The following TLE4 variants were observed in gnomAD, a reference collection of about 807,000 sequenced individuals.
The protein encoded by TLE4 is transducin-like enhancer protein 4.
TLE4 carries 8 observed loss-of-function variants against 92.8 expected under a neutral mutation model. The ratio of observed to expected loss-of-function variants is 0.09; its 90% CI spans 0.05 to 0.16. The LOEUF is 0.16. Ranked by LOEUF, TLE4 falls within the 10% of genes least tolerant of loss-of-function variation. The pLI, the probability that TLE4 is intolerant of heterozygous loss-of-function variation, is 1.00. For missense variants in TLE4, 675 were observed against 997.6 expected, an observed-to-expected ratio of 0.68 and a Z score of 4.36; for synonymous variants, 371 against 374.1, an observed-to-expected ratio of 0.99 and a Z score of 0.10.
chr9:79,722,993 T>C lies in TLE4; in HGVS notation c.2172T>C (p.Leu724=). 6.2e-7 allele frequency: 1 copy of C among 1,614,228 alleles called. No individual in the cohort carries two copies. Among genetic ancestry groups the C allele is most frequent in the Non-Finnish European group, 8.5e-7 (1 of 1,180,040 alleles). ...KWFVSTGKDN[L]LNAWRTPYGA... ...TTGTAAGCACTGGAAAGGACAACCTTCTGAATGCCTGGAGAACACCTTATG... is the reference window on the plus strand; with the variant it reads ...TTGTAAGCACTGGAAAGGACAACCTCCTGAATGCCTGGAGAACACCTTATG... Residue 724 remains leucine, a synonymous_variant, in exon 19 of 20, where the codon CTT becomes CTC. Transcript: ENST00000376552.
intron 8 of TLE4, among the ~76,000 whole-genome samples, chr9:79,694,824 C>T (rs747980733): frequency 1.3e-5 from 2 of 151,228 alleles, no homozygotes; most frequent in Non-Finnish European, 2.9e-5. Flanking sequence ...TTCCTTTTAC[C>T]ACATACCTCC....
intron 8 of TLE4, among the ~76,000 whole-genome samples, chr9:79,679,993 A>T (rs1304412893): frequency 6.6e-6 from 1 of 151,758 alleles, no homozygotes; most frequent in East Asian, 1.9e-4. Context: ...TTTTGGTACC[A>T]GTACCATGCT....
chr9:79,607,809 G>C (rs1433924516), intron 4 of TLE4, among the ~76,000 whole-genome samples: 7 of 152,028 alleles, frequency 4.6e-5, no homozygotes, highest in Admixed American at 4.6e-4. Context: ...TAGCCTTGTA[G>C]TATAGTTTGA....
chr9:79,676,976 A>G (rs1457057785), intron 8 of TLE4, among the ~76,000 whole-genome samples: 1 of 152,270 alleles, frequency 6.6e-6, no homozygotes, highest in South Asian at 2.1e-4. Flanking sequence ...CCATGCATCC[A>G]TGGTTTTAGC....
intron 6 of TLE4, among the ~76,000 whole-genome samples, chr9:79,637,295 A>G (rs1274602857): frequency 6.6e-6 from 1 of 152,200 alleles, no homozygotes; most frequent in African/African-American, 2.4e-5. Flanking sequence ...CATCAACCTC[A>G]TGTGGAAGGA....
intron 4 of TLE4, among the ~76,000 whole-genome samples, chr9:79,592,627 AT>A (rs2042992165): frequency 6.6e-6 from 1 of 152,162 alleles, no homozygotes; most frequent in African/African-American, 2.4e-5. Context: ...CATTACCTTT[AT>A]ATAGACATAG....
At chr9:79,719,492 C>T (rs962337291) in intron 15 of TLE4, among the ~76,000 whole-genome samples, 2 of 151,688 alleles carry the variant, frequency 1.3e-5, no homozygotes, top group Non-Finnish European at 2.9e-5. Flanking sequence ...CTAGGAGGAA[C>T]TTTTTTTTTC....
intron 5 of TLE4, among the ~76,000 whole-genome samples, chr9:79,623,178 G>A (rs1470395228): frequency 6.6e-6 from 1 of 151,894 alleles, no homozygotes; most frequent in African/African-American, 2.4e-5. Context: ...CCTTAGGGGA[G>A]TTCTTTTGTT....
At chr9:79,621,182 G>T (rs1234090818) in intron 5 of TLE4, among the ~76,000 whole-genome samples, 1 of 152,208 alleles carries the variant, frequency 6.6e-6, no homozygotes, top group African/African-American at 2.4e-5. Flanking sequence ...TAATAGAGTT[G>T]CTGAAAAAGG....
intron 8 of TLE4, among the ~76,000 whole-genome samples, chr9:79,693,139 C>T (rs1342725279): frequency 6.6e-6 from 1 of 152,128 alleles, no homozygotes; most frequent in African/African-American, 2.4e-5. Context: ...TAAAACATTA[C>T]CAACACAGAA....
At chr9:79,704,331 T>C (rs190368937) in intron 8 of TLE4, among the ~76,000 whole-genome samples, 200 of 152,238 alleles carry the variant, frequency 1.3e-3, no homozygotes, top group Non-Finnish European at 2.4e-3. Context: ...GCCAGGATGG[T>C]CTCGACCTCC....
chr9:79,717,958 T>G (rs952701243), intron 14 of TLE4: 2 of 456,116 alleles, frequency 4.4e-6, no homozygotes, highest in East Asian at 1.4e-4. Flanking sequence ...TAAAAATGAG[T>G]CTGTTGGGGG....
intron 5 of TLE4, among the ~76,000 whole-genome samples, chr9:79,617,648 C>T (rs935883504): frequency 6.6e-6 from 1 of 152,142 alleles, no homozygotes; most frequent in African/African-American, 2.4e-5. Context: ...AATCTTGGCT[C>T]AGCCACTTGC....
Position 79,718,715 on chromosome 9 carries a change from G to T in TLE4, c.1341-7G>T, listed in dbSNP as rs1241436447. ...CCCTCTTTCTTTTTTCCTCTCCATT[G>T]CCTTAGAGCATACTCCTTCCATGTT... On this transcript the variant is annotated splice_region_variant and splice_polypyrimidine_tract_variant and intron_variant, in intron 14 of 19. Transcript: ENST00000376552. 2 of 1,608,288 alleles carry T rather than the reference G, an allele frequency of 1.2e-6. No homozygotes were observed. The highest frequency in any genetic ancestry group is 3.3e-5 in the Admixed American group (2 of 59,762).
intron 8 of TLE4, 195 bp from the exon 9 acceptor site, chr9:79,704,588 C>T: frequency 1.6e-6 from 1 of 623,848 alleles, no homozygotes; most frequent in Non-Finnish European, 2.7e-6. Context: ...TCCCCCTTGT[C>T]TTTTGCTACT....
intron 11 of TLE4, 129 bp downstream of exon 11, chr9:79,707,028 ATTTAAG>A (rs1460097714): frequency 2.6e-6 from 4 of 1,566,018 alleles, no homozygotes; most frequent in African/African-American, 1.4e-5. Flanking sequence ...TATGTTCGGT[ATTTAAG>A]TTTAATTGGC....
chr9:79,719,232 C>G (rs1218533645), intron 15 of TLE4, among the ~76,000 whole-genome samples: 1 of 152,028 alleles, frequency 6.6e-6, no homozygotes, highest in African/African-American at 2.4e-5. Flanking sequence ...CGCTTGTTTT[C>G]CTCTCTGATG....
intron 5 of TLE4, among the ~76,000 whole-genome samples, chr9:79,619,444 A>G (rs2050420852): frequency 6.6e-6 from 1 of 152,234 alleles, no homozygotes; most frequent in Non-Finnish European, 1.5e-5. Context: ...TCGGGAGGAA[A>G]TGAAGAAAAT....
At chr9:79,608,129 T>C (rs913262899) in intron 4 of TLE4, among the ~76,000 whole-genome samples, 2 of 152,062 alleles carry the variant, frequency 1.3e-5, no homozygotes, top group African/African-American at 2.4e-5. Context: ...ATAGCTAAGA[T>C]TAGTTTTATG....
Sources: allele counts gnomAD v4.1 joint callset (sites outside exome capture counted in the v4.1 genomes callset), GRCh38; gene constraint gnomAD v4.1.1; transcripts MANE v1.5; gene names NCBI Gene and HGNC (gene_info 2026-07-23, HGNC 2026-07-21).